Variants in CCM2 observed in about 807,000 individuals in gnomAD.
CCM2 encodes the protein cerebral cavernous malformations 2 protein.
A neutral mutation model predicts 44.9 loss-of-function variants in CCM2; 25 were observed. The ratio of observed to expected loss-of-function variants is 0.56; its 90% CI spans 0.41 to 0.78. The LOEUF (loss-of-function observed/expected upper bound fraction) is 0.78. Ranked by LOEUF, CCM2 falls within the 30% of genes least tolerant of loss-of-function variation. The pLI is 0.00. For synonymous variants in CCM2, 219 were observed against 241.1 expected (o/e 0.91, Z 0.85); for missense variants, 481 against 580.6 (o/e 0.83, Z 1.76).
At chr7:45,006,430 G>A (rs1402563502) in intron 1 of CCM2, among the ~76,000 whole-genome samples, 3 of 151,338 alleles carry the variant, frequency 2.0e-5, no homozygotes, top group Non-Finnish European at 2.9e-5. Flanking sequence ...TGCAAGCTCC[G>A]CCTCCCAGGT....
intron 9 of CCM2, 100 bp from the exon 10 acceptor site, chr7:45,075,677 G>A (rs1784196988): frequency 1.4e-6 from 2 of 1,457,326 alleles, no homozygotes; most frequent in Non-Finnish European, 1.9e-6. Flanking sequence ...CATGCACCAG[G>A]GGCAGCTGTG....
In CCM2 at chr7:45,074,344, T is replaced by C. The variant is rs746355834; in HGVS notation, c.990T>C (p.Ser330=). ...TGCACGAGTACCGCAATGGGGCCTC[T>C]ATCCACGAGTTCTGCATCAACCTGC... ...ALLHEYRNGA[S]IHEFCINLRQ... Residue 330 remains serine, a synonymous_variant, in exon 9 of 10, where the codon TCT becomes TCC. Coordinates refer to ENST00000258781, the MANE Select transcript of CCM2 (RefSeq NM_031443.4). 11 of 1,613,718 alleles carry C rather than the reference T, an allele frequency of 6.8e-6. No homozygotes were observed. Among genetic ancestry groups the C allele is most frequent in the South Asian group, 3.3e-5 (3 of 91,088 alleles).
intron 4 of CCM2, among the ~76,000 whole-genome samples, chr7:45,065,328 T>C (rs1247898194): frequency 6.6e-6 from 1 of 152,220 alleles, no homozygotes; most frequent in African/African-American, 2.4e-5. Flanking sequence ...ACCTGTATTT[T>C]GCCCCTCCCA....
At chr7:45,033,012 C>G (rs1453953510) in intron 1 of CCM2, among the ~76,000 whole-genome samples, 1 of 135,324 alleles carries the variant, frequency 7.4e-6, no homozygotes, top group African/African-American at 2.9e-5. Context: ...TGCACTCCAT[C>G]CAGCCTTGGT....
At chr7:45,049,690 A>G (rs770323709) in intron 2 of CCM2, among the ~76,000 whole-genome samples, 21 of 152,156 alleles carry the variant, frequency 1.4e-4, no homozygotes, top group Middle Eastern at 3.2e-3. Context: ...GAGTTTCTAG[A>G]TCTAAGGCTA....
intron 1 of CCM2, among the ~76,000 whole-genome samples, chr7:45,014,696 A>T (rs1273538990): frequency 2.2e-5 from 3 of 138,290 alleles, no homozygotes; most frequent in African/African-American, 8.2e-5. Context: ...ATCTTGGCTC[A>T]CTCCAACCTC....
intron 1 of CCM2, among the ~76,000 whole-genome samples, chr7:45,034,671 A>C (rs1313153768): frequency 6.7e-6 from 1 of 149,766 alleles, no homozygotes; most frequent in Non-Finnish European, 1.5e-5. Flanking sequence ...GGCGCCCGCC[A>C]CCACACCCAG....
intron 2 of CCM2, among the ~76,000 whole-genome samples, chr7:45,045,099 C>G (rs368015486): frequency 1.8e-4 from 27 of 152,284 alleles, no homozygotes; most frequent in African/African-American, 6.5e-4. Context: ...CCTTTTCTTT[C>G]TATCTGACAT....
At chr7:45,012,168 C>G (rs377183528) in intron 1 of CCM2, among the ~76,000 whole-genome samples, 1 of 119,528 alleles carries the variant, frequency 8.4e-6, no homozygotes, top group Non-Finnish European at 1.6e-5. Flanking sequence ...TAGTCTTTCT[C>G]TCTTACCCAG....
At position 45,053,779 on chromosome 7, in the gene CCM2, A is replaced by G. The variant is rs115478185; in HGVS notation, c.205-10139A>G. The stretch of plus-strand genomic sequence containing the variant: ...TGCACACTCATTAGTGCCATGGTTG[A>G]TGGAATGCCATCATGTTCTCCTGAG... On this transcript the variant is annotated intron_variant, in intron 2 of 9. Coordinates refer to ENST00000258781, the MANE Select transcript of CCM2 (RefSeq NM_031443.4). 7.9e-3 allele frequency among the ~76,000 whole-genome samples: 1,208 copies of G among 152,250 alleles called. 16 individuals are homozygous for G. The highest frequency in any genetic ancestry group is 0.027 in the African/African-American group (1,135 of 41,526).
chr7:45,032,244 G>A (rs1018499050), intron 1 of CCM2, among the ~76,000 whole-genome samples: 2 of 152,190 alleles, frequency 1.3e-5, no homozygotes, highest in African/African-American at 4.8e-5. Context: ...TGAAGACTAA[G>A]GACTAGGGCC....
chr7:45,062,371 G>A (rs956044536), intron 2 of CCM2, among the ~76,000 whole-genome samples: 1 of 152,168 alleles, frequency 6.6e-6, no homozygotes, highest in Non-Finnish European at 1.5e-5. Context: ...ATGCAGGCAG[G>A]AGCACAGCAG....
chr7:45,001,291 T>C (rs1043110578), intron 1 of CCM2, among the ~76,000 whole-genome samples: 5 of 152,204 alleles, frequency 3.3e-5, no homozygotes, highest in African/African-American at 9.6e-5. Flanking sequence ...GTGGTGCTGG[T>C]TCTCTACTTT....
At chr7:45,009,790 C>T (rs547104428) in intron 1 of CCM2, among the ~76,000 whole-genome samples, 1 of 152,254 alleles carries the variant, frequency 6.6e-6, no homozygotes, top group East Asian at 1.9e-4. Context: ...ATGCATTCCT[C>T]AATAAATTGC....
chr7:45,035,940 T>C (rs145621859), intron 1 of CCM2, among the ~76,000 whole-genome samples: 3 of 152,302 alleles, frequency 2.0e-5, no homozygotes, highest in East Asian at 1.9e-4. Flanking sequence ...TCACAACATA[T>C]CAGACGTGCT....
At chr7:45,061,340 A>G (rs1798507957) in intron 2 of CCM2, among the ~76,000 whole-genome samples, 1 of 152,038 alleles carries the variant, frequency 6.6e-6, no homozygotes, top group Non-Finnish European at 1.5e-5. Flanking sequence ...GGAGGCAGGA[A>G]TTGGGTGTTT....
intron 1 of CCM2, among the ~76,000 whole-genome samples, chr7:45,015,960 C>T (rs1320644487): frequency 1.3e-5 from 2 of 152,216 alleles, no homozygotes; most frequent in Non-Finnish European, 2.9e-5. Context: ...GAAAATTTAT[C>T]TTTTCTGTTT....
chr7:45,031,714 T>C (rs1053500933), intron 1 of CCM2, among the ~76,000 whole-genome samples: 1 of 151,964 alleles, frequency 6.6e-6, no homozygotes, highest in Admixed American at 6.6e-5. Context: ...TGTGCCACCA[T>C]GTCCTGCTAA....
chr7:45,046,806 A>G (rs1347839728), intron 2 of CCM2, among the ~76,000 whole-genome samples: 1 of 152,242 alleles, frequency 6.6e-6, no homozygotes, highest in African/African-American at 2.4e-5. Flanking sequence ...GACTGAGAGG[A>G]GATATTTTTA....
Sources: gnomAD v4.1 joint callset for allele counts (sites outside exome capture counted in the v4.1 genomes callset) on GRCh38, gnomAD v4.1.1 for gene constraint, MANE v1.5 for transcripts, NCBI Gene and HGNC (gene_info 2026-07-23, HGNC 2026-07-21) for gene names.